The following GABRA5 variants were observed in gnomAD, a reference collection of about 807,000 sequenced individuals.
The protein encoded by GABRA5 is gamma-aminobutyric acid type A receptor subunit alpha5, also known as gamma-aminobutyric acid receptor subunit alpha-5.
Under a neutral mutation model 47.3 loss-of-function variants are expected in GABRA5, and 18 were observed. That is an observed-to-expected ratio of 0.38 (90% CI 0.26 to 0.56). The LOEUF (loss-of-function observed/expected upper bound fraction) is 0.56. Ranked by LOEUF, GABRA5 falls within the 20% of genes least tolerant of loss-of-function variation. GABRA5 has a pLI of 0.71. For missense variants in GABRA5, 365 were observed against 599.3 expected (o/e 0.61, Z 4.08); for synonymous variants, 237 against 229.3 (o/e 1.03, Z -0.30).
intron 6 of GABRA5, among the ~76,000 whole-genome samples, chr15:26,912,260 G>A (rs1893614929): frequency 6.6e-6 from 1 of 152,132 alleles, no homozygotes; most frequent in Non-Finnish European, 1.5e-5. Context: ...CCTGACTAAA[G>A]TCTTCCTTCT....
chr15:26,894,794 T>C (rs995871055), intron 6 of GABRA5, among the ~76,000 whole-genome samples: 1 of 152,170 alleles, frequency 6.6e-6, no homozygotes, highest in Non-Finnish European at 1.5e-5. Flanking sequence ...CGCGGATCCA[T>C]AGGCACAGTC....
intron 1 of GABRA5, among the ~76,000 whole-genome samples, chr15:26,868,447 A>C (rs1382381553): frequency 2.0e-5 from 3 of 152,220 alleles, no homozygotes; most frequent in Non-Finnish European, 2.9e-5. Context: ...GCCTGTGAGC[A>C]CCTATTTGCG....
intron 6 of GABRA5, among the ~76,000 whole-genome samples, chr15:26,902,020 C>G (rs1893339468): frequency 6.6e-6 from 1 of 151,942 alleles, no homozygotes; most frequent in Admixed American, 6.6e-5. Flanking sequence ...TCTATTCTTT[C>G]ACCAATTCTA....
At chr15:26,932,466 CAG>C (rs1267653129) in intron 7 of GABRA5, among the ~76,000 whole-genome samples, 1 of 152,142 alleles carries the variant, frequency 6.6e-6, no homozygotes, top group Non-Finnish European at 1.5e-5. Context: ...CAAGAAACAA[CAG>C]ATGCTGGTGA....
chr15:26,925,737 A>G (rs1057303835), intron 7 of GABRA5, among the ~76,000 whole-genome samples: 1 of 151,844 alleles, frequency 6.6e-6, no homozygotes, highest in Non-Finnish European at 1.5e-5. Flanking sequence ...TGGATATTTT[A>G]TGGTTATATT....
chr15:26,914,470 A>G (rs1238157708), intron 6 of GABRA5, among the ~76,000 whole-genome samples: 1 of 152,212 alleles, frequency 6.6e-6, no homozygotes, highest in Non-Finnish European at 1.5e-5. Context: ...CAGTCCCGTC[A>G]AGGAAAGCTT....
At chr15:26,884,049 C>T (rs1052452422) in intron 6 of GABRA5, among the ~76,000 whole-genome samples, 14 of 151,656 alleles carry the variant, frequency 9.2e-5, no homozygotes, top group Non-Finnish European at 1.9e-4. Context: ...TTCACCCAGG[C>T]GAGGAGGCAT....
intron 7 of GABRA5, 151 bp from the exon 8 acceptor site, chr15:26,937,034 G>C (rs1269997239): frequency 2.8e-5 from 25 of 906,682 alleles, no homozygotes; most frequent in Non-Finnish European, 3.9e-5. Flanking sequence ...GTCTGCCCTG[G>C]TCCAACCACC....
intron 7 of GABRA5, among the ~76,000 whole-genome samples, chr15:26,934,177 G>A (rs1177471580): frequency 2.0e-5 from 3 of 150,864 alleles, no homozygotes; most frequent in Admixed American, 6.6e-5. Flanking sequence ...GCTTGAACCC[G>A]GGAAACAGAG....
Position 26,939,999 on chromosome 15 carries a change from C to T in GABRA5, c.799C>T (p.Pro267Ser). The change falls in exon 9 of 11, where the codon CCC (proline) becomes TCC (serine). Residue 267 changes from proline to serine, a missense_variant. Coordinates refer to ENST00000335625, the MANE Select transcript of GABRA5 (RefSeq NM_000810.4). ...IGYFVIQTYLPCIMTVILSQV... is the reference protein window; with the variant it reads ...IGYFVIQTYLSCIMTVILSQV... ...CTACTTTGTCATCCAGACCTACCTT[C>T]CCTGCATAATGACCGTGATCTTATC... 6.2e-7 allele frequency: 1 copy of T among 1,613,950 alleles called. No homozygotes were observed. The highest frequency in any genetic ancestry group is 8.5e-7 in the Non-Finnish European group (1 of 1,179,844).
chr15:26,877,610 C>A (rs1193193111), intron 3 of GABRA5: 2 of 451,468 alleles, frequency 4.4e-6, no homozygotes, highest in African/African-American at 4.0e-5. Flanking sequence ...ACGTCACACA[C>A]TGCCTTCACT....
At chr15:26,929,163 G>A (rs1383659083) in intron 7 of GABRA5, among the ~76,000 whole-genome samples, 2 of 152,110 alleles carry the variant, frequency 1.3e-5, no homozygotes, top group African/African-American at 4.8e-5. Flanking sequence ...ATCAGATATG[G>A]GTGAGACCCA....
At chr15:26,916,124 TTG>T (rs1298246842) in intron 7 of GABRA5, among the ~76,000 whole-genome samples, 1 of 152,186 alleles carries the variant, frequency 6.6e-6, no homozygotes, top group African/African-American at 2.4e-5. Context: ...TACTCCTTTT[TTG>T]TCTGTTTCCT....
Position 26,940,342 on chromosome 15 carries a change from C to G in GABRA5, c.877+265C>G, listed in dbSNP as rs568595343. 1.7e-4 allele frequency among the ~76,000 whole-genome samples: 26 copies of G among 152,278 alleles called. No homozygotes were observed. In the South Asian group the frequency reaches 5.4e-3, roughly 32 times the overall value. On this transcript the variant is annotated intron_variant, in intron 9 of 10. Coordinates refer to ENST00000335625, the MANE Select transcript of GABRA5 (RefSeq NM_000810.4). ...AGCCTTTTTGTGTGGTTTGACATTG[C>G]CAGCATGTATCTGTTTTATGTGAGA...
intron 7 of GABRA5, among the ~76,000 whole-genome samples, chr15:26,933,483 C>CA (rs1894158574): frequency 6.6e-6 from 1 of 152,216 alleles, no homozygotes; most frequent in African/African-American, 2.4e-5. Context: ...CCTTGCTTCT[C>CA]ACTGCTGTCT....
intron 3 of GABRA5, among the ~76,000 whole-genome samples, chr15:26,875,352 T>C (rs920524634): frequency 6.6e-6 from 1 of 152,198 alleles, no homozygotes; most frequent in Admixed American, 6.5e-5. Flanking sequence ...ATGTGGACCA[T>C]GCTCTCACCA....
intron 6 of GABRA5, among the ~76,000 whole-genome samples, chr15:26,904,687 G>A (rs1389080043): frequency 2.0e-5 from 3 of 152,062 alleles, no homozygotes; most frequent in Non-Finnish European, 4.4e-5. Flanking sequence ...CACCTCCTGG[G>A]TGAGCTGTAT....
At chr15:26,884,308 A>G (rs1461015080) in intron 6 of GABRA5, among the ~76,000 whole-genome samples, 1 of 152,208 alleles carries the variant, frequency 6.6e-6, no homozygotes, top group African/African-American at 2.4e-5. Flanking sequence ...GTTGAGGTTA[A>G]GTTTTAGTAT....
At chr15:26,904,414 TC>T (rs1893394849) in intron 6 of GABRA5, among the ~76,000 whole-genome samples, 2 of 152,176 alleles carry the variant, frequency 1.3e-5, no homozygotes, top group Admixed American at 1.3e-4. Flanking sequence ...CCTGCTTTGT[TC>T]TTTTTGCTTA....
Sources: gnomAD v4.1 joint callset for allele counts (sites outside exome capture counted in the v4.1 genomes callset) on GRCh38, gnomAD v4.1.1 for gene constraint, MANE v1.5 for transcripts, NCBI Gene and HGNC (gene_info 2026-07-23, HGNC 2026-07-21) for gene names.